CFAP74: variants seen among roughly 807,000 people sequenced by gnomAD.
CFAP74 encodes cilia and flagella associated protein 74.
A neutral mutation model predicts 188.9 loss-of-function variants in CFAP74; 124 were observed. The ratio of observed to expected loss-of-function variants is 0.66; its 90% CI spans 0.57 to 0.76. The LOEUF (loss-of-function observed/expected upper bound fraction) is 0.76. Ranked by LOEUF, CFAP74 falls within the 30% of genes least tolerant of loss-of-function variation. The probability of loss-of-function intolerance (pLI) is 0.00; values close to 1 mark genes in which losing one functional copy is unlikely to be tolerated. For synonymous variants in CFAP74, 956 were observed against 916.7 expected (o/e 1.04, Z -0.77); for missense variants, 2,198 against 2,165.2 (o/e 1.02, Z -0.30).
rs1258486347 is a variant in CFAP74, at chr1:1,946,409, A to G, written c.2272T>C (p.Ser758Pro). The change falls in exon 20 of 39, where the codon TCC becomes CCC. Residue 758 changes from serine (S) to proline (P), a missense_variant. Transcript: ENST00000682832. ...VTEGEIGPFS[S>P]IKVPIVFTPV... ...GTGAAGACGATGGGCACCTTGATGG[A>G]GCTGAAGGGGCCAATTTCCCCTTCT... 1 of 1,536,738 alleles carries G rather than the reference A, an allele frequency of 6.5e-7. No homozygotes were observed. Among genetic ancestry groups the G allele is most frequent in the Non-Finnish European group, 8.7e-7 (1 of 1,146,728 alleles).
chr1:1,937,616 A>T (rs1397879243), intron 25 of CFAP74, among the ~76,000 whole-genome samples: 2 of 152,194 alleles, frequency 1.3e-5, no homozygotes, highest in African/African-American at 4.8e-5. Flanking sequence ...AACGGACCAC[A>T]GACCCGGCTG....
intron 25 of CFAP74, among the ~76,000 whole-genome samples, chr1:1,938,507 C>A (rs1052150428): frequency 6.6e-6 from 1 of 152,070 alleles, no homozygotes. Context: ...CTCACACACC[C>A]CCATATGCAC....
At chr1:1,970,273 C>A (rs1431319205) in intron 10 of CFAP74, among the ~76,000 whole-genome samples, 8 of 152,212 alleles carry the variant, frequency 5.3e-5, no homozygotes, top group Non-Finnish European at 1.0e-4. Flanking sequence ...GCAGGCCCAG[C>A]AGCACCAGGT....
chr1:1,970,555 A>G, intron 10 of CFAP74, 104 bp downstream of exon 10: 1 of 1,307,976 alleles, frequency 7.6e-7, no homozygotes, highest in Non-Finnish European at 1.0e-6. Context: ...GCGCCCTGGG[A>G]GAGAGAGCAG....
chr1:1,939,085 A>T (rs1558003107), intron 24 of CFAP74, 97 bp from the exon 25 acceptor site: 6 of 1,289,008 alleles, frequency 4.7e-6, no homozygotes, highest in Non-Finnish European at 6.4e-6. Flanking sequence ...GATGAGTGTG[A>T]TCGTGTGTGA....
intron 19 of CFAP74, among the ~76,000 whole-genome samples, chr1:1,946,786 C>A (rs1653803371): frequency 1.3e-5 from 2 of 152,344 alleles, no homozygotes; most frequent in South Asian, 4.1e-4. Context: ...TCCTGCACAG[C>A]CGGAGGCGGT....
intron 18 of CFAP74, among the ~76,000 whole-genome samples, chr1:1,951,464 A>C (rs1436157487): frequency 6.6e-6 from 1 of 152,210 alleles, no homozygotes; most frequent in Non-Finnish European, 1.5e-5. Context: ...CCAGTTGACT[A>C]TAATTGTGTG....
At chr1:1,977,408 G>C (rs569133704) in intron 6 of CFAP74, among the ~76,000 whole-genome samples, 1 of 152,088 alleles carries the variant, frequency 6.6e-6, no homozygotes, top group Non-Finnish European at 1.5e-5. Context: ...CCCCTCCCTC[G>C]AAGGCAGGCT....
intron 1 of CFAP74, among the ~76,000 whole-genome samples, 172 bp downstream of exon 1, chr1:2,003,529 A>G (rs897240263): frequency 2.0e-5 from 3 of 152,304 alleles, no homozygotes; most frequent in East Asian, 1.9e-4. Context: ...AGGCTGTGCC[A>G]GCGCCGGGGT....
chr1:1,996,799 T>C (rs534283370), intron 1 of CFAP74, among the ~76,000 whole-genome samples: 1 of 151,540 alleles, frequency 6.6e-6, no homozygotes, highest in African/African-American at 2.4e-5. Flanking sequence ...CAGGCACCTG[T>C]CATCCCAGCT....
chr1:1,946,665 C>T (rs1419780395), intron 19 of CFAP74, among the ~76,000 whole-genome samples: 1 of 152,196 alleles, frequency 6.6e-6, no homozygotes, highest in Non-Finnish European at 1.5e-5. Context: ...CCTCCACATC[C>T]TCCCCCTGCT....
intron 2 of CFAP74, among the ~76,000 whole-genome samples, chr1:1,990,015 C>G (rs1020658193): frequency 4.8e-5 from 7 of 146,122 alleles, no homozygotes; most frequent in African/African-American, 2.0e-4. Flanking sequence ...GGTGACGTCA[C>G]AACAGACAGC....
At chr1:1,970,461 G>C (rs1408419528) in intron 10 of CFAP74, among the ~76,000 whole-genome samples, 198 bp downstream of exon 10, 1 of 152,222 alleles carries the variant, frequency 6.6e-6, no homozygotes, top group African/African-American at 2.4e-5. Flanking sequence ...TAGGGGCAGG[G>C]CTGGGCAGGC....
intron 25 of CFAP74, among the ~76,000 whole-genome samples, chr1:1,936,904 C>CT (rs1353490145): frequency 4.6e-5 from 4 of 87,256 alleles, no homozygotes; most frequent in Non-Finnish European, 1.1e-4. Flanking sequence ...AAGACCCTGT[C>CT]TCAAAAAAAA....
At chr1:1,952,350 A>G (rs1246292968) in intron 18 of CFAP74, among the ~76,000 whole-genome samples, 1 of 148,096 alleles carries the variant, frequency 6.8e-6, no homozygotes, top group Non-Finnish European at 1.5e-5. Context: ...AGAGTATAAA[A>G]TTAAAAAAAA....
At position 1,922,653 on chromosome 1, in the gene CFAP74, C is replaced by T. The variant is rs1325709285; in HGVS notation, c.4754G>A (p.Gly1585Asp). 6 of 1,602,934 alleles carry T rather than the reference C, an allele frequency of 3.7e-6. No homozygotes were observed. The highest frequency in any genetic ancestry group is 1.3e-5 in the African/African-American group (1 of 74,888). Residue 1585 changes from glycine (G) to aspartate (D), a missense_variant, in exon 38 of 39, where the codon GGC becomes GAC. By Grantham distance (94) the Gly-to-Asp change is moderately conservative. Transcript: ENST00000682832. ...CTTCGTCTGGCCGCGCTCCACGGAG[C>T]CCCTGGAGGGCTCAATAGAGAAACC... ...HKGFSIEPSR[G>D]SVERGQTKTI...
In CFAP74 at chr1:1,973,789, T is replaced by A. The variant is rs1177309776; in HGVS notation, c.674+236A>T. ...GTAGCCAGCTTTAGCGGCTGTATGG[T>A]GGCTGCGGCATCTTGGGAGGGCTGG... On this transcript the variant is annotated intron_variant, in intron 7 of 38. Coordinates refer to ENST00000682832, the MANE Select transcript of CFAP74 (RefSeq NM_001304360.2). This position sits in a 1 kb window ranked among gnomAD's most constrained non-coding sequence, Gnocchi z 6.2. 1.3e-5 allele frequency among the ~76,000 whole-genome samples: 2 copies of A among 151,268 alleles called. No individual in the cohort carries two copies. The highest frequency in any genetic ancestry group is 2.9e-5 in the Non-Finnish European group (2 of 67,838).
At chr1:1,999,580 G>A (rs1658094668) in intron 1 of CFAP74, among the ~76,000 whole-genome samples, 1 of 152,170 alleles carries the variant, frequency 6.6e-6, no homozygotes, top group South Asian at 2.1e-4. Context: ...ACTTTGGGAG[G>A]CCGAGGCAGG....
intron 18 of CFAP74, chr1:1,955,191 G>C (rs1008545563): frequency 7.8e-7 from 1 of 1,288,624 alleles, no homozygotes. Flanking sequence ...TCTGGATCTC[G>C]ATGCGTATGT....
Sources: gnomAD v4.1 joint callset for allele counts (sites outside exome capture counted in the v4.1 genomes callset) on GRCh38, gnomAD v4.1.1 for gene constraint, Gnocchi (gnomAD v3.1) non-coding constraint, MANE v1.5 for transcripts, NCBI Gene and HGNC (gene_info 2026-07-23, HGNC 2026-07-21) for gene names.